The following TMEM235 variants were observed in gnomAD, a reference collection of about 807,000 sequenced individuals.
The protein encoded by TMEM235 is claudin-27.
Under a neutral mutation model 22.9 loss-of-function variants are expected in TMEM235, and 23 were observed. That is an observed-to-expected ratio of 1.00 (90% CI 0.72 to 1.42). TMEM235 has a LOEUF of 1.42. TMEM235 is among the 40% of genes most tolerant of loss of function. The pLI is 0.00. For synonymous variants in TMEM235, 137 were observed against 140.5 expected, an observed-to-expected ratio of 0.98 and a Z score of 0.17; for missense variants, 308 against 299.5, an observed-to-expected ratio of 1.03 and a Z score of -0.21.
At chr17:78,231,635 C>T (rs1325740446) in exon 2 of TMEM235, 1 of 1,301,830 alleles carries the variant, frequency 7.7e-7, no homozygotes, top group Non-Finnish European at 1.0e-6. Context: ...CCTCTCAAGC[C>T]CTGCACAGCC....
chr17:78,232,786 C>T (rs1055335275), intron 2 of TMEM235, among the ~76,000 whole-genome samples: 3 of 151,948 alleles, frequency 2.0e-5, no homozygotes, highest in Non-Finnish European at 4.4e-5. Flanking sequence ...CCCTTCACAG[C>T]GCGAGGGCTG....
chr17:78,238,550 CTGTGTGTGTGTGTGTGTGTGTGTG>C lies in TMEM235; in HGVS notation c.410-461_410-438del, dbSNP rs55893266. Among the ~76,000 whole-genome samples the C allele has an allele frequency of 7.2e-6, 1 of 138,230 alleles. No homozygotes were observed. The highest frequency in any genetic ancestry group is 2.7e-5 in the African/African-American group (1 of 37,060). 90.7% of individuals were successfully genotyped at this position (138,230 alleles called of 152,430 possible). ...GCTGCTGCCAGCAGAGGCCATGGCT[CTGTGTGTGTGTGTGTGTGTGTGTG>C]TGTGTGTGTGTGAATGTGTGCAAAT... On this transcript the variant is annotated intron_variant, in intron 4 of 5. Coordinates refer to ENST00000421688, the Ensembl canonical transcript of TMEM235. The surrounding 1 kb of genome is among the most constrained non-coding windows in gnomAD (Gnocchi z 4.3).
At position 78,234,734 on chromosome 17, in the gene TMEM235, A is replaced by G; in HGVS notation, c.409+4A>G. The G allele has an allele frequency of 4.6e-6, 7 of 1,535,938 alleles. No individual in the cohort carries two copies. The highest frequency in any genetic ancestry group is 6.1e-6 in the Non-Finnish European group (7 of 1,146,830). On this transcript the variant is annotated splice_donor_region_variant and intron_variant, in intron 4 of 5. Coordinates refer to ENST00000421688, the Ensembl canonical transcript of TMEM235. ...GGCTGCTACTTCCTGCTGGGGAGTG[A>G]GTCTGGGGCCCTGGGGGAATGGCTC...
rs549809074 is a variant in TMEM235, at chr17:78,237,166, T to C, written c.410-1858T>C. On this transcript the variant is annotated intron_variant, in intron 4 of 5. Coordinates refer to ENST00000421688, the Ensembl canonical transcript of TMEM235. This position sits in a 1 kb window ranked among gnomAD's most constrained non-coding sequence, Gnocchi z 4.7. ...CAGGCAGAGGGGGCCTCCATCCTAG[T>C]ATGAGGGTCAGCTGTGGGCCGAAGC... Among the ~76,000 whole-genome samples, 94 of 152,034 alleles carry C rather than the reference T, an allele frequency of 6.2e-4. No homozygotes were observed. Among genetic ancestry groups the C allele is most frequent in the Non-Finnish European group, 1.2e-3 (82 of 67,980 alleles).
chr17:78,234,262 G>A, intron 3 of TMEM235: 1 of 687,738 alleles, frequency 1.5e-6, no homozygotes. Flanking sequence ...GGATCCTGCG[G>A]GCCTTGCAGA....
In TMEM235 at chr17:78,239,022, A is replaced by G. The variant is rs991452036; in HGVS notation, c.410-2A>G. ...CAGCTGCCCTCCCCATCTCTCCCCC[A>G]GGTGTCCTGACACTGGCGGGGGTCA... On this transcript the variant is annotated splice_acceptor_variant, in intron 4 of 5. Coordinates refer to ENST00000421688, the Ensembl canonical transcript of TMEM235. LOFTEE classifies it high-confidence loss of function. 3.9e-6 allele frequency: 6 copies of G among 1,537,736 alleles called. No individual in the cohort carries two copies. Among genetic ancestry groups the G allele is most frequent in the African/African-American group, 1.4e-5 (1 of 73,068 alleles).
rs1171450583 is a variant in TMEM235, at chr17:78,237,307, G to T, written c.410-1717G>T. On this transcript the variant is annotated intron_variant, in intron 4 of 5. Coordinates refer to ENST00000421688, the Ensembl canonical transcript of TMEM235. This position sits in a 1 kb window ranked among gnomAD's most constrained non-coding sequence, Gnocchi z 4.7. ...AGATAGAGGGCCCCAGATCGATTGG[G>T]TGCCCTTCCCTGAGACAGGATCTTG... Among the ~76,000 whole-genome samples the T allele has an allele frequency of 6.6e-6, 1 of 152,114 alleles. No individual in the cohort carries two copies. The highest frequency in any genetic ancestry group is 2.4e-5 in the African/African-American group (1 of 41,422).
rs148922659 is a variant in TMEM235 at position 78,235,347 on chromosome 17, G to A, written c.409+617G>A. Reference sequence around the variant, plus strand: ...TTGTTGCCCAGGCTGGAGTGCAATCGCATGATCTCGACTCACTGCAACCTC... The same window carrying A: ...TTGTTGCCCAGGCTGGAGTGCAATCACATGATCTCGACTCACTGCAACCTC... On this transcript the variant is annotated intron_variant, in intron 4 of 5. Coordinates refer to ENST00000421688, the Ensembl canonical transcript of TMEM235. 9.9e-3 allele frequency among the ~76,000 whole-genome samples: 1,507 copies of A among 151,796 alleles called. 30 individuals are homozygous for A. Among genetic ancestry groups the A allele is most frequent in the African/African-American group, 0.034 (1,426 of 41,336 alleles).
Position 78,237,410 on chromosome 17 carries a change from C to T in TMEM235, c.410-1614C>T, listed in dbSNP as rs866762890. On this transcript the variant is annotated intron_variant, in intron 4 of 5. Coordinates refer to ENST00000421688, the Ensembl canonical transcript of TMEM235. The surrounding 1 kb of genome is among the most constrained non-coding windows in gnomAD (Gnocchi z 4.7). ...CCAGCTTGAGGTTGCAGGTGCCAGC[C>T]GCAGAGGCCTCCTTTAGGAGGTCTG... 3.9e-5 allele frequency among the ~76,000 whole-genome samples: 6 copies of T among 152,114 alleles called. No homozygotes were observed. The highest frequency in any genetic ancestry group is 1.3e-4 in the Admixed American group (2 of 15,274).
chr17:78,234,256 C>T, intron 3 of TMEM235: 1 of 689,750 alleles, frequency 1.4e-6, no homozygotes, highest in Non-Finnish European at 2.6e-6. Context: ...TTGGCTGGAT[C>T]CTGCGGGCCT....
chr17:78,232,268 C>A, intron 2 of TMEM235, 55 bp downstream of exon 1: 1 of 1,379,658 alleles, frequency 7.2e-7, no homozygotes, highest in South Asian at 1.6e-5. Context: ...CCTCCGACAC[C>A]CCCTTAACCC....
intron 2 of TMEM235, among the ~76,000 whole-genome samples, chr17:78,233,328 C>A (rs1006648472): frequency 2.0e-5 from 3 of 152,252 alleles, no homozygotes; most frequent in Non-Finnish European, 4.4e-5. Context: ...ACAAGGACCC[C>A]TGCCTGAGGG....
exon 2 of TMEM235, chr17:78,232,096 G>A (rs1327527623): frequency 2.4e-5 from 35 of 1,467,132 alleles, no homozygotes; most frequent in Non-Finnish European, 3.1e-5. Context: ...CCTGGCCGCC[G>A]CGGTCGCCAG....
At chr17:78,233,621 G>C (rs1367329403) in intron 2 of TMEM235, among the ~76,000 whole-genome samples, 1 of 151,998 alleles carries the variant, frequency 6.6e-6, no homozygotes. Context: ...CGCGAAACCG[G>C]GAGGCGGAGC....
rs201703924 is a variant in TMEM235, at chr17:78,237,918, G to A, written c.410-1106G>A. ...CCCAGGAGGAATCACAGAAGACCAGGCTGTGTTGTGCCCCTTCACTGGGCA... is the reference window on the plus strand; with the variant it reads ...CCCAGGAGGAATCACAGAAGACCAGACTGTGTTGTGCCCCTTCACTGGGCA... On this transcript the variant is annotated intron_variant, in intron 4 of 5. Transcript: ENST00000421688. The surrounding 1 kb of genome is among the most constrained non-coding windows in gnomAD (Gnocchi z 4.7). Among the ~76,000 whole-genome samples the A allele has an allele frequency of 5.7e-4, 87 of 152,272 alleles. 2 individuals are homozygous for A. In the Middle Eastern group the frequency reaches 0.017, roughly 30 times the overall value.
chr17:78,238,198 T>G lies in TMEM235; in HGVS notation c.410-826T>G, dbSNP rs569941519. On this transcript the variant is annotated intron_variant, in intron 4 of 5. Transcript: ENST00000421688. This position sits in a 1 kb window ranked among gnomAD's most constrained non-coding sequence, Gnocchi z 4.3. Reference sequence around the variant, plus strand: ...TGGACAGGAAAATGCCCTGGAGGCATGGGCCGAGTCCCCTACCTAGCTCGT... The same window carrying G: ...TGGACAGGAAAATGCCCTGGAGGCAGGGGCCGAGTCCCCTACCTAGCTCGT... 1.3e-3 allele frequency among the ~76,000 whole-genome samples: 202 copies of G among 152,332 alleles called. No homozygotes were observed. The highest frequency in any genetic ancestry group is 0.01 in the Middle Eastern group (3 of 294).
intron 1 of TMEM235, chr17:78,231,414 G>C (rs1368861687): frequency 1.5e-6 from 2 of 1,290,786 alleles, no homozygotes; most frequent in Non-Finnish European, 2.0e-6. Flanking sequence ...TCCAAAACAA[G>C]GTTTTTTCCT....
intron 1 of TMEM235, chr17:78,231,397 G>T (rs1037595643): frequency 4.9e-5 from 62 of 1,274,770 alleles, no homozygotes; most frequent in Admixed American, 4.0e-4. Flanking sequence ...TTGTAATTAT[G>T]AGTGAATCCA....
Position 78,238,360 on chromosome 17 carries a change from C to A in TMEM235, c.410-664C>A, listed in dbSNP as rs1203937511. Among the ~76,000 whole-genome samples, 1 of 151,968 alleles carries A rather than the reference C, an allele frequency of 6.6e-6. No homozygotes were observed. The highest frequency in any genetic ancestry group is 1.5e-5 in the Non-Finnish European group (1 of 67,988). Reference sequence around the variant, plus strand: ...AGGAGGGCCCAGGGCAGGCATCCTCCCCTGGGGAAGGGCCTGAAACTCAGA... The same window carrying A: ...AGGAGGGCCCAGGGCAGGCATCCTCACCTGGGGAAGGGCCTGAAACTCAGA... On this transcript the variant is annotated intron_variant, in intron 4 of 5. Coordinates refer to ENST00000421688, the Ensembl canonical transcript of TMEM235. This position sits in a 1 kb window ranked among gnomAD's most constrained non-coding sequence, Gnocchi z 4.3.
Sources: allele counts gnomAD v4.1 joint callset (sites outside exome capture counted in the v4.1 genomes callset), GRCh38; gene constraint gnomAD v4.1.1; non-coding constraint Gnocchi (gnomAD v3.1); transcripts MANE v1.5; gene names NCBI Gene and HGNC (gene_info 2026-07-23, HGNC 2026-07-21).